The following SQSTM1 variants were observed in gnomAD, a reference collection of about 807,000 sequenced individuals.
The protein encoded by SQSTM1 is sequestosome 1.
SQSTM1 carries 36 observed loss-of-function variants against 45.1 expected under a neutral mutation model. That is an observed-to-expected ratio of 0.80 (90% CI 0.61 to 1.05). SQSTM1 has a LOEUF of 1.05. SQSTM1 is among the 50% of genes least tolerant of loss of function. SQSTM1 has a pLI of 0.00. For missense variants in SQSTM1, 617 were observed against 607.1 expected, an observed-to-expected ratio of 1.02 and a Z score of -0.17; for synonymous variants, 290 against 244.3, an observed-to-expected ratio of 1.19 and a Z score of -1.74.
intron 1 of SQSTM1, chr5:179,808,356 C>G (rs1309300483): frequency 1.3e-5 from 2 of 152,250 alleles, no homozygotes; most frequent in Non-Finnish European, 2.9e-5. Context: ...CCACTCAGTG[C>G]TCCTGGAACT....
chr5:179,825,315 T>A, intron 5 of SQSTM1, 89 bp downstream of exon 5: 1 of 1,140,666 alleles, frequency 8.8e-7, no homozygotes, highest in Non-Finnish European at 1.3e-6. Context: ...AATGGGTAAT[T>A]GACATGCCCT....
chr5:179,811,857 T>C (rs573818667), intron 2 of SQSTM1: 3 of 152,050 alleles, frequency 2.0e-5, no homozygotes, highest in Non-Finnish European at 1.5e-5. Context: ...CAGGCTGGAG[T>C]GCAGTGGCGC....
chr5:179,806,763 C>T lies in SQSTM1; in HGVS notation c.-157+172C>T, dbSNP rs1429096792. ...GGGCCAGGGAGCGCGCCGGCCGCCC[C>T]TCAGGGCGCAAGCTTTGTGCCCTGT... On this transcript the variant is annotated intron_variant, in intron 1 of 5. Transcript: ENST00000514093. This position sits in a 1 kb window ranked among gnomAD's most constrained non-coding sequence, Gnocchi z 4.6. 6.7e-6 allele frequency: 1 copy of T among 149,810 alleles called. No homozygotes were observed. Among genetic ancestry groups the T allele is most frequent in the East Asian group, 2.0e-4 (1 of 5,110 alleles). 9.3% of individuals were successfully genotyped at this position (149,810 alleles called of 1,614,324 possible). A position where few individuals can be genotyped will look rare whatever the true frequency, so the allele number is the denominator to read the frequency against.
upstream of SQSTM1, among the ~76,000 whole-genome samples, chr5:179,816,276 C>G (rs1278341874): frequency 1.3e-5 from 2 of 152,168 alleles, no homozygotes; most frequent in African/African-American, 4.8e-5. Context: ...AGCCTCCCGA[C>G]TAGCTGGGAC....
chr5:179,821,788 T>C (rs1757790700), intron 1 of SQSTM1: 2 of 314,336 alleles, frequency 6.4e-6, no homozygotes, highest in Middle Eastern at 1.2e-3. Flanking sequence ...AAGCCCTGTT[T>C]CCTGCTGCGC....
chr5:179,837,898 A>G lies in SQSTM1; in HGVS notation c.*1305A>G, dbSNP rs1297851652. 1 of 1,598,432 alleles carries G rather than the reference A, an allele frequency of 6.3e-7. No individual in the cohort carries two copies. The highest frequency in any genetic ancestry group is 2.2e-5 in the East Asian group (1 of 44,794). ...GGCCAGCCTGTCCCTGAAAGAGAAG[A>G]TGGCCATGCCCTCCATGTGTAAGAA... On this transcript the variant is annotated 3_prime_UTR_variant, in exon 8 of 8. Coordinates refer to ENST00000389805, the MANE Select transcript of SQSTM1 (RefSeq NM_003900.5).
At position 179,837,952 on chromosome 5, in the gene SQSTM1, C is replaced by T; in HGVS notation, c.*1359C>T. ...TGCCAGGGCCCAGGAGGACCGCCTG[C>T]CCTGCCTGGGCCTTGGCTGGGCCTC... On this transcript the variant is annotated 3_prime_UTR_variant, in exon 8 of 8. Transcript: ENST00000389805. 1 of 1,493,324 alleles carries T rather than the reference C, an allele frequency of 6.7e-7. No homozygotes were observed. Among genetic ancestry groups the T allele is most frequent in the Non-Finnish European group, 9.0e-7 (1 of 1,106,292 alleles). The allele number at this position is 1,493,324 out of a possible 1,614,324, so 92.5% of individuals were successfully genotyped here.
chr5:179,830,090 CAG>C (rs1429429755), intron 5 of SQSTM1, among the ~76,000 whole-genome samples: 2 of 151,610 alleles, frequency 1.3e-5, no homozygotes, highest in African/African-American at 4.9e-5. Context: ...TCCTGGGAGA[CAG>C]AAACAGACCT....
At chr5:179,816,373 C>G (rs1757577507), upstream of SQSTM1, among the ~76,000 whole-genome samples, 1 of 152,122 alleles carries the variant, frequency 6.6e-6, no homozygotes, top group Non-Finnish European at 1.5e-5. Context: ...TGGTCTCGAA[C>G]TCCTGACCTC....
At chr5:179,824,435 C>A in intron 4 of SQSTM1, 112 bp downstream of exon 4, 2 of 1,473,160 alleles carry the variant, frequency 1.4e-6, no homozygotes, top group Non-Finnish European at 9.4e-7. Flanking sequence ...ATACCCCCCA[C>A]CTTCCTGGTG....
upstream of SQSTM1, chr5:179,818,784 G>A (rs1370176379): frequency 2.0e-5 from 3 of 152,414 alleles, no homozygotes; most frequent in African/African-American, 7.2e-5. Flanking sequence ...TGAAAGATGA[G>A]GAAATGAGAG....
intron 6 of SQSTM1, 94 bp from the exon 7 acceptor site, chr5:179,833,493 C>A: frequency 7.4e-7 from 1 of 1,354,556 alleles, no homozygotes; most frequent in South Asian, 1.2e-5. Flanking sequence ...CGTGTGCATG[C>A]GTGCTCCCCG....
Position 179,824,427 on chromosome 5 carries a change from AC to A in SQSTM1, c.673+110del, listed in dbSNP as rs1757918602. 9 of 1,522,072 alleles carry A rather than the reference AC, an allele frequency of 5.9e-6. No homozygotes were observed. In the African/African-American group the frequency reaches 6.8e-5, roughly 12 times the overall value. The allele number at this position is 1,522,072 out of a possible 1,614,324, so 94.3% of individuals were successfully genotyped here. A position where few individuals can be genotyped will look rare whatever the true frequency, so the allele number is the denominator to read the frequency against. On this transcript the variant is annotated intron_variant, in intron 4 of 7. Transcript: ENST00000389805. Reference sequence around the variant, plus strand: ...TGTGTGCAAGGCAAGAATTCAGGATACCCCCCACCTTCCTGGTGCCCTACAA... The same window carrying A: ...TGTGTGCAAGGCAAGAATTCAGGATACCCCCACCTTCCTGGTGCCCTACAA...
upstream of SQSTM1, chr5:179,820,808 T>TGGCGGG: frequency 2.2e-6 from 2 of 899,104 alleles, no homozygotes; most frequent in Non-Finnish European, 3.1e-6. Context: ...GCGACGACGG[T>TGGCGGG]GGCGGGGGCG....
chr5:179,817,878 A>G (rs764683047), upstream of SQSTM1, among the ~76,000 whole-genome samples: 1 of 152,014 alleles, frequency 6.6e-6, no homozygotes, highest in African/African-American at 2.4e-5. Flanking sequence ...GCTTGGTGGC[A>G]GGCACCTGTA....
At chr5:179,828,638 T>C (rs1758097981) in intron 5 of SQSTM1, among the ~76,000 whole-genome samples, 2 of 152,178 alleles carry the variant, frequency 1.3e-5, no homozygotes, top group South Asian at 4.1e-4. Context: ...CCTCCCAAAA[T>C]GCTGGGATTA....
At chr5:179,826,611 T>TTC (rs1267610151) in intron 5 of SQSTM1, among the ~76,000 whole-genome samples, 16 of 151,636 alleles carry the variant, frequency 1.1e-4, no homozygotes, top group African/African-American at 3.4e-4. Flanking sequence ...TTTTTTTTTT[T>TTC]TTCTTTGAGA....
chr5:179,808,391 T>G (rs967591608), intron 1 of SQSTM1: 4 of 152,262 alleles, frequency 2.6e-5, no homozygotes, highest in Admixed American at 2.0e-4. Context: ...CTGGGACTTA[T>G]AGGAGCCTTC....
chr5:179,824,131 C>T (rs753326158), intron 3 of SQSTM1, 44 bp downstream of exon 3: 59 of 1,613,590 alleles, frequency 3.7e-5, no homozygotes, highest in Middle Eastern at 1.7e-4. Context: ...CTCAGGGTGG[C>T]AGGAACCTTG....
Sources: gnomAD v4.1 joint callset for allele counts (sites outside exome capture counted in the v4.1 genomes callset) on GRCh38, gnomAD v4.1.1 for gene constraint, Gnocchi (gnomAD v3.1) non-coding constraint, MANE v1.5 for transcripts, NCBI Gene and HGNC (gene_info 2026-07-23, HGNC 2026-07-21) for gene names.